Variants in MARCHF6 observed in about 807,000 individuals in gnomAD.
MARCHF6 encodes the protein E3 ubiquitin-protein ligase MARCHF6.
MARCHF6 carries 31 observed loss-of-function variants against 133.7 expected under a neutral mutation model. That is an observed-to-expected ratio of 0.23 (90% CI 0.17 to 0.31). The LOEUF is 0.31. Ranked by LOEUF, MARCHF6 falls within the 10% of genes least tolerant of loss-of-function variation. The pLI, the probability that MARCHF6 is intolerant of heterozygous loss-of-function variation, is 1.00. For missense variants in MARCHF6, 723 were observed against 1,121.6 expected, an observed-to-expected ratio of 0.64 and a Z score of 5.08; for synonymous variants, 395 against 402.5, an observed-to-expected ratio of 0.98 and a Z score of 0.22.
intron 1 of MARCHF6, among the ~76,000 whole-genome samples, chr5:10,364,729 G>A (rs1171019152): frequency 6.6e-6 from 1 of 152,204 alleles, no homozygotes; most frequent in Non-Finnish European, 1.5e-5. Context: ...GCAGGAGTCT[G>A]CAGTACCTGC....
chr5:10,399,990 T>C (rs971067892), intron 10 of MARCHF6, among the ~76,000 whole-genome samples: 39 of 152,166 alleles, frequency 2.6e-4, no homozygotes, highest in African/African-American at 7.7e-4. Context: ...AAGGGCCTTA[T>C]TAGATTCAGG....
intron 15 of MARCHF6, 136 bp from the exon 16 acceptor site, chr5:10,405,422 T>A (rs1738826083): frequency 1.6e-6 from 1 of 629,662 alleles, no homozygotes; most frequent in Non-Finnish European, 2.5e-6. Context: ...TTCCTAAGAA[T>A]ACCATGTACA....
chr5:10,371,252 A>T (rs1273082913), intron 1 of MARCHF6, among the ~76,000 whole-genome samples: 2 of 152,162 alleles, frequency 1.3e-5, no homozygotes, highest in African/African-American at 4.8e-5. Context: ...TTTCAACCTC[A>T]GTTTCCCAAA....
chr5:10,368,775 G>A (rs1447963342), intron 1 of MARCHF6, among the ~76,000 whole-genome samples: 1 of 152,058 alleles, frequency 6.6e-6, no homozygotes, highest in African/African-American at 2.4e-5. Flanking sequence ...GTTTCACCAT[G>A]TTGGCCAGGC....
At chr5:10,406,039 G>C (rs575304202) in intron 16 of MARCHF6, among the ~76,000 whole-genome samples, 2 of 152,292 alleles carry the variant, frequency 1.3e-5, no homozygotes, top group African/African-American at 4.8e-5. Context: ...CCTCCTGTCA[G>C]ATCAGCCTTG....
chr5:10,408,550 T>A (rs978382720), intron 17 of MARCHF6, among the ~76,000 whole-genome samples: 19 of 152,214 alleles, frequency 1.2e-4, no homozygotes, highest in African/African-American at 4.6e-4. Flanking sequence ...TTTATTTTAT[T>A]TTTTATGAGA....
intron 7 of MARCHF6, among the ~76,000 whole-genome samples, chr5:10,392,901 T>G (rs1737956677): frequency 6.6e-6 from 1 of 152,210 alleles, no homozygotes. Context: ...TGTCTCTTTG[T>G]GTCACGTACT....
At chr5:10,392,103 C>T (rs1043029122) in intron 7 of MARCHF6, among the ~76,000 whole-genome samples, 10 of 151,854 alleles carry the variant, frequency 6.6e-5, no homozygotes, top group East Asian at 3.9e-4. Context: ...GGACAACAGG[C>T]GCTCGCCACC....
Position 10,426,468 on chromosome 5 carries a change from T to A in MARCHF6, c.2452T>A (p.Leu818Met). The A allele has an allele frequency of 3.1e-6, 5 of 1,614,194 alleles. No individual in the cohort carries two copies. In the South Asian group the frequency reaches 5.5e-5, roughly 18 times the overall value. ...KLAAPVISVLLLSLCVPYVIA... is the reference protein window; with the variant it reads ...KLAAPVISVLMLSLCVPYVIA... ...GGCAGCTCCCGTGATCTCTGTGCTG[T>A]TGCTTTCCCTGTGTGTACCTTATGT... is the stretch of plus-strand genomic sequence containing the variant. The change falls in exon 24 of 26, where the codon TTG (leucine) becomes ATG (methionine). Residue 818 changes from leucine to methionine, a missense_variant. Transcript: ENST00000274140.
At chr5:10,358,956 C>T (rs957614406) in intron 1 of MARCHF6, among the ~76,000 whole-genome samples, 7 of 152,176 alleles carry the variant, frequency 4.6e-5, no homozygotes, top group African/African-American at 1.4e-4. Flanking sequence ...TAAATCATAA[C>T]TGCATGAAAT....
intron 5 of MARCHF6, among the ~76,000 whole-genome samples, chr5:10,387,389 G>A (rs921149796): frequency 6.7e-6 from 1 of 149,894 alleles, no homozygotes; most frequent in South Asian, 2.1e-4. Flanking sequence ...TGCAACCTCC[G>A]CCTCCTGAGT....
chr5:10,419,629 A>G (rs74901521), intron 22 of MARCHF6, among the ~76,000 whole-genome samples: 1 of 134,862 alleles, frequency 7.4e-6, no homozygotes, highest in African/African-American at 3.2e-5. Flanking sequence ...TTTTTTTTTT[A>G]CAGAAAAATG....
At position 10,353,830 on chromosome 5, in the gene MARCHF6, TC is replaced by T. The variant is rs1349347134; in HGVS notation, c.-65del. On this transcript the variant is annotated 5_prime_UTR_variant, in exon 1 of 26. Coordinates refer to ENST00000274140, the MANE Select transcript of MARCHF6 (RefSeq NM_005885.4). The stretch of plus-strand genomic sequence containing the variant: ...GCCCGGGCCCGGCTCCCTCCTCCTC[TC>T]CCCTCCCTCTTTCCCCGCCCGGCCG... 1.3e-5 allele frequency: 18 copies of T among 1,439,336 alleles called. No individual in the cohort carries two copies. Among genetic ancestry groups the T allele is most frequent in the Middle Eastern group, 1.7e-4 (1 of 5,722 alleles). 89.2% of individuals were successfully genotyped at this position (1,439,336 alleles called of 1,614,324 possible). A position where few individuals can be genotyped will look rare whatever the true frequency, so the allele number is the denominator to read the frequency against.
intron 15 of MARCHF6, among the ~76,000 whole-genome samples, chr5:10,404,096 TACTG>T (rs1275473610): frequency 2.0e-5 from 3 of 151,612 alleles, no homozygotes; most frequent in Non-Finnish European, 4.4e-5. Flanking sequence ...TACTTTTTGA[TACTG>T]AGTCTTGCTC....
rs77254971 is a variant in MARCHF6, at chr5:10,356,903, C to T, written c.19+2986C>T. On this transcript the variant is annotated intron_variant, in intron 1 of 25. Transcript: ENST00000274140. ...TTAGTTCCGACATGGCTGTTTCATACTAATTGTTTGCTAGATTTTAAAGAT... is the reference window on the plus strand; with the variant it reads ...TTAGTTCCGACATGGCTGTTTCATATTAATTGTTTGCTAGATTTTAAAGAT... Among the ~76,000 whole-genome samples, 10 of 152,162 alleles carry T rather than the reference C, an allele frequency of 6.6e-5. No individual in the cohort carries two copies. In the East Asian group the frequency reaches 1.7e-3, roughly 26 times the overall value.
chr5:10,435,661 A>T lies in MARCHF6; in HGVS notation c.*1977A>T, dbSNP rs1438531631. 1.7e-4 allele frequency: 1 copy of T among 5,950 alleles called. No individual in the cohort carries two copies. The highest frequency in any genetic ancestry group is 1.1e-3 in the African/African-American group (1 of 908). The allele number at this position is 5,950 out of a possible 1,614,324, so 0.4% of individuals were successfully genotyped here. ...TAACTATATATATATATATATATATATATATATATATATATATATATATAT... is the reference window on the plus strand; with the variant it reads ...TAACTATATATATATATATATATATTTATATATATATATATATATATATAT... On this transcript the variant is annotated 3_prime_UTR_variant, in exon 26 of 26. Coordinates refer to ENST00000274140, the MANE Select transcript of MARCHF6 (RefSeq NM_005885.4).
At chr5:10,388,029 C>T (rs1270842465) in intron 5 of MARCHF6, among the ~76,000 whole-genome samples, 1 of 152,138 alleles carries the variant, frequency 6.6e-6, no homozygotes, top group African/African-American at 2.4e-5. Flanking sequence ...TAAATGTTTT[C>T]CATGATTATT....
chr5:10,372,828 A>C (rs1274812206), intron 1 of MARCHF6, among the ~76,000 whole-genome samples: 2 of 152,144 alleles, frequency 1.3e-5, no homozygotes, highest in African/African-American at 2.4e-5. Context: ...TTTCATCTCT[A>C]GCTGCATTCA....
chr5:10,406,264 T>A (rs987341400), intron 16 of MARCHF6, among the ~76,000 whole-genome samples: 5 of 152,346 alleles, frequency 3.3e-5, no homozygotes, highest in Non-Finnish European at 7.4e-5. Flanking sequence ...TACGGTTGTC[T>A]GAATTACGTT....
Sources: allele counts gnomAD v4.1 joint callset (sites outside exome capture counted in the v4.1 genomes callset), GRCh38; gene constraint gnomAD v4.1.1; transcripts MANE v1.5; gene names NCBI Gene and HGNC (gene_info 2026-07-23, HGNC 2026-07-21).